NEO1: variants seen among roughly 807,000 people sequenced by gnomAD.
NEO1 encodes neogenin 1, also known as neogenin.
NEO1 carries 63 observed loss-of-function variants against 159.7 expected under a neutral mutation model. The ratio of observed to expected loss-of-function variants is 0.39; its 90% CI spans 0.32 to 0.49. The LOEUF is 0.49. NEO1 is among the 20% of genes least tolerant of loss of function. The pLI is 0.85. For synonymous variants in NEO1, 633 were observed against 662.0 expected (o/e 0.96, Z 0.67); for missense variants, 1,615 against 1,831.0 (o/e 0.88, Z 2.15).
intron 28 of NEO1, 29 bp downstream of exon 28, chr15:73,301,486 A>C (rs1264432760): frequency 2.5e-6 from 4 of 1,613,798 alleles, no homozygotes; most frequent in African/African-American, 1.3e-5. Flanking sequence ...CAGTCCAGCC[A>C]GATTGCCTGG....
At chr15:73,281,628 G>A (rs966322486) in intron 22 of NEO1, among the ~76,000 whole-genome samples, 4 of 152,042 alleles carry the variant, frequency 2.6e-5, no homozygotes, top group Non-Finnish European at 4.4e-5. Context: ...AACATCCCAC[G>A]CTGGCAGGAT....
intron 1 of NEO1, among the ~76,000 whole-genome samples, chr15:73,084,500 A>T (rs1294186674): frequency 6.6e-6 from 1 of 152,206 alleles, no homozygotes; most frequent in Non-Finnish European, 1.5e-5. Context: ...AAGGCTGAAT[A>T]GTATTCCATT....
intron 5 of NEO1, among the ~76,000 whole-genome samples, chr15:73,164,184 C>T (rs1438788296): frequency 4.7e-5 from 7 of 150,534 alleles, no homozygotes; most frequent in Non-Finnish European, 7.4e-5. Flanking sequence ...CCCACCACCA[C>T]GCCCCGCTGA....
chr15:73,134,536 T>C (rs1298164924), intron 4 of NEO1, among the ~76,000 whole-genome samples: 1 of 152,132 alleles, frequency 6.6e-6, no homozygotes, highest in African/African-American at 2.4e-5. Flanking sequence ...CTGATTTTTT[T>C]TTTAATCCTA....
At chr15:73,295,699 A>C (rs888777745) in intron 26 of NEO1, among the ~76,000 whole-genome samples, 1 of 152,190 alleles carries the variant, frequency 6.6e-6, no homozygotes, top group Non-Finnish European at 1.5e-5. Context: ...AGAAATGATC[A>C]AAGTTCTTTT....
chr15:73,159,900 A>G, intron 5 of NEO1, among the ~76,000 whole-genome samples: 1 of 152,222 alleles, frequency 6.6e-6, no homozygotes, highest in Admixed American at 6.5e-5. Context: ...TATATATAAG[A>G]CTGCCCGTTT....
chr15:73,194,978 C>G (rs1360154020), intron 7 of NEO1, among the ~76,000 whole-genome samples: 1 of 152,130 alleles, frequency 6.6e-6, no homozygotes, highest in Non-Finnish European at 1.5e-5. Flanking sequence ...AAGAGGTAGA[C>G]ATATAATTAA....
chr15:73,230,371 G>C (rs191025966), intron 7 of NEO1, among the ~76,000 whole-genome samples: 1 of 151,700 alleles, frequency 6.6e-6, no homozygotes, highest in African/African-American at 2.4e-5. Context: ...TTAGTTATCT[G>C]TAGGGTTGGT....
At chr15:73,171,640 T>TATTATTATG (rs1555443755) in intron 5 of NEO1, among the ~76,000 whole-genome samples, 3 of 147,904 alleles carry the variant, frequency 2.0e-5, no homozygotes, top group Non-Finnish European at 4.5e-5. Context: ...TTATTATTAT[T>TATTATTATG]ATTATTATTA....
At chr15:73,211,144 G>T (rs780433233) in intron 7 of NEO1, among the ~76,000 whole-genome samples, 3 of 152,116 alleles carry the variant, frequency 2.0e-5, no homozygotes, top group Non-Finnish European at 4.4e-5. Flanking sequence ...CTTACTTCTG[G>T]CCATGACCGA....
intron 1 of NEO1, among the ~76,000 whole-genome samples, chr15:73,056,828 A>G (rs2067725427): frequency 6.6e-6 from 1 of 152,112 alleles, no homozygotes; most frequent in African/African-American, 2.4e-5. Flanking sequence ...CTTTGGAAAG[A>G]TCTTTGATCT....
In NEO1 at chr15:73,113,004, C is replaced by T. The variant is rs1322169204; in HGVS notation, c.131-3536C>T. ...TCGATTTAAAATGTCATCTCTACTA[C>T]ATGTTAAGTTTCCAAATATATATAG... is the stretch of plus-strand genomic sequence containing the variant. On this transcript the variant is annotated intron_variant, in intron 1 of 28. Coordinates refer to ENST00000261908, the MANE Select transcript of NEO1 (RefSeq NM_002499.4). 6.6e-5 allele frequency among the ~76,000 whole-genome samples: 10 copies of T among 152,208 alleles called. No individual in the cohort carries two copies. The East Asian group carries it at 1.9e-3, about 29-fold the overall frequency.
intron 5 of NEO1, among the ~76,000 whole-genome samples, chr15:73,138,441 T>C (rs2032001548): frequency 6.6e-6 from 1 of 152,152 alleles, no homozygotes; most frequent in African/African-American, 2.4e-5. Flanking sequence ...ACCTGGGAAA[T>C]ACTGCAAGAG....
chr15:73,304,798 C>T lies in NEO1; in HGVS notation c.*2102C>T, dbSNP rs1461882631. 1 of 151,496 alleles carries T rather than the reference C, an allele frequency of 6.6e-6. No homozygotes were observed. The highest frequency in any genetic ancestry group is 1.5e-5 in the Non-Finnish European group (1 of 67,910). The allele number at this position is 151,496 out of a possible 1,614,324, so 9.4% of individuals were successfully genotyped here. Reference sequence around the variant, plus strand: ...GGGCCTTGGTACCTGGATACTGCCACAGAATTGGGGCGGGTGGGGGAGGGG... The same window carrying T: ...GGGCCTTGGTACCTGGATACTGCCATAGAATTGGGGCGGGTGGGGGAGGGG... On this transcript the variant is annotated 3_prime_UTR_variant, in exon 29 of 29. Coordinates refer to ENST00000261908, the MANE Select transcript of NEO1 (RefSeq NM_002499.4).
rs148864338 is a variant in NEO1 at position 73,161,150 on chromosome 15, G to A, written c.1016-15253G>A. The stretch of plus-strand genomic sequence containing the variant: ...GTTTAAATTTTCTTTTGTGACTTCC[G>A]AGTTTGTGTCATACTTAGTCCTCCC... On this transcript the variant is annotated intron_variant, in intron 5 of 28. Coordinates refer to ENST00000261908, the MANE Select transcript of NEO1 (RefSeq NM_002499.4). Among the ~76,000 whole-genome samples, 1,476 of 152,170 alleles carry A rather than the reference G, an allele frequency of 9.7e-3. 30 individuals carry two copies. The highest frequency in any genetic ancestry group is 0.034 in the African/African-American group (1,406 of 41,512).
intron 25 of NEO1, among the ~76,000 whole-genome samples, chr15:73,291,522 C>T (rs755837734): frequency 2.0e-5 from 3 of 152,228 alleles, no homozygotes; most frequent in East Asian, 1.9e-4. Context: ...TTTTAAAACC[C>T]GCATGGCTAC....
intron 23 of NEO1, among the ~76,000 whole-genome samples, chr15:73,283,748 G>C (rs915609188): frequency 6.6e-6 from 1 of 152,212 alleles, no homozygotes; most frequent in African/African-American, 2.4e-5. Context: ...AGCACCATCT[G>C]TACATGCCCA....
intron 10 of NEO1, 29 bp from the exon 11 acceptor site, chr15:73,249,554 T>A: frequency 1.3e-6 from 2 of 1,564,654 alleles, no homozygotes; most frequent in Non-Finnish European, 1.7e-6. Context: ...CTTGAGTGCA[T>A]ATGTATAAAG....
chr15:73,203,883 A>G (rs1469096755), intron 7 of NEO1, among the ~76,000 whole-genome samples: 1 of 152,058 alleles, frequency 6.6e-6, no homozygotes, highest in African/African-American at 2.4e-5. Flanking sequence ...AATAAGAAAA[A>G]TAAAAGATTT....
Sources: allele counts gnomAD v4.1 joint callset (sites outside exome capture counted in the v4.1 genomes callset), GRCh38; gene constraint gnomAD v4.1.1; transcripts MANE v1.5; gene names NCBI Gene and HGNC (gene_info 2026-07-23, HGNC 2026-07-21).